Variants in EML1 observed in about 807,000 individuals in gnomAD.
The protein encoded by EML1 is EMAP like 1, also known as echinoderm microtubule-associated protein-like 1.
EML1 carries 27 observed loss-of-function variants against 110.4 expected under a neutral mutation model. The ratio of observed to expected loss-of-function variants is 0.24; its 90% CI spans 0.18 to 0.34. EML1 has a LOEUF of 0.34. EML1 is among the 10% of genes least tolerant of loss of function. The pLI, the probability that EML1 is intolerant of heterozygous loss-of-function variation, is 1.00. For missense variants in EML1, 741 were observed against 1,030.9 expected (o/e 0.72, Z 3.85); for synonymous variants, 344 against 385.8 (o/e 0.89, Z 1.27).
At chr14:99,880,540 T>C (rs1253953946) in intron 4 of EML1, among the ~76,000 whole-genome samples, 1 of 152,116 alleles carries the variant, frequency 6.6e-6, no homozygotes, top group Non-Finnish European at 1.5e-5. Context: ...GTGGCCCCCA[T>C]GTAATTTCTG....
intron 3 of EML1, among the ~76,000 whole-genome samples, chr14:99,872,679 A>G (rs1423094628): frequency 6.6e-6 from 1 of 152,226 alleles, no homozygotes; most frequent in Non-Finnish European, 1.5e-5. Context: ...AGTAGCATCT[A>G]ATTGCTACTC....
At chr14:99,852,386 G>T (rs1193097461) in intron 2 of EML1, among the ~76,000 whole-genome samples, 1 of 152,144 alleles carries the variant, frequency 6.6e-6, no homozygotes, top group Non-Finnish European at 1.5e-5. Context: ...AGGCTGAGGC[G>T]GTCAGATCAC....
intron 8 of EML1, among the ~76,000 whole-genome samples, chr14:99,898,779 T>G (rs762967542): frequency 5.9e-5 from 9 of 151,548 alleles, no homozygotes; most frequent in Non-Finnish European, 1.0e-4. Context: ...ATACTGACTG[T>G]GACCTTAAAA....
chr14:99,914,309 G>C lies in EML1; in HGVS notation c.1620+5G>C, dbSNP rs773928000. On this transcript the variant is annotated splice_donor_5th_base_variant and intron_variant, in intron 14 of 21. Coordinates refer to ENST00000262233, the MANE Select transcript of EML1 (RefSeq NM_004434.3). ...GACTTCACACCCATTACTCAGGTACGATCCCACTCAGCAGGCCCGGCAAAC... is the reference window on the plus strand; with the variant it reads ...GACTTCACACCCATTACTCAGGTACCATCCCACTCAGCAGGCCCGGCAAAC... 1 of 1,604,440 alleles carries C rather than the reference G, an allele frequency of 6.2e-7. No individual in the cohort carries two copies. Among genetic ancestry groups the C allele is most frequent in the Admixed American group, 1.7e-5 (1 of 59,558 alleles).
rs547103774 is a variant in EML1 at position 99,937,622 on chromosome 14, G to A, written c.2096-195G>A. On this transcript the variant is annotated intron_variant, in intron 19 of 21. Coordinates refer to ENST00000262233, the MANE Select transcript of EML1 (RefSeq NM_004434.3). ...CAAAGAAGAGGGCACCTCCACCCAGGCCCATGGGCTCGGGCTCAGTTCCAG... is the reference window on the plus strand; with the variant it reads ...CAAAGAAGAGGGCACCTCCACCCAGACCCATGGGCTCGGGCTCAGTTCCAG... Among the ~76,000 whole-genome samples, 13 of 152,240 alleles carry A rather than the reference G, an allele frequency of 8.5e-5. 1 individual carries two copies. In the Middle Eastern group the frequency reaches 0.01, roughly 119 times the overall value.
At chr14:99,785,716 C>T (rs2057591339) in intron 1 of EML1, among the ~76,000 whole-genome samples, 2 of 152,202 alleles carry the variant, frequency 1.3e-5, no homozygotes, top group Non-Finnish European at 2.9e-5. Context: ...AAACCAACCT[C>T]GTTCCCTGTT....
chr14:99,808,994 G>A (rs1039507952), intron 1 of EML1, among the ~76,000 whole-genome samples: 2 of 152,122 alleles, frequency 1.3e-5, no homozygotes, highest in African/African-American at 2.4e-5. Context: ...AGTTCAGTGA[G>A]GACCACATCT....
intron 1 of EML1, among the ~76,000 whole-genome samples, chr14:99,797,485 A>G (rs1368357271): frequency 6.6e-6 from 1 of 152,222 alleles, no homozygotes; most frequent in Non-Finnish European, 1.5e-5. Flanking sequence ...TTGCTAGGTC[A>G]TATGGTAACT....
At chr14:99,926,387 C>A (rs749894498) in intron 17 of EML1, among the ~76,000 whole-genome samples, 42 of 151,190 alleles carry the variant, frequency 2.8e-4, no homozygotes, top group Admixed American at 2.8e-3. Flanking sequence ...CAGATTCAAG[C>A]AATTCTCCTG....
intron 1 of EML1, among the ~76,000 whole-genome samples, chr14:99,821,191 TTTG>T (rs2058256297): frequency 6.6e-6 from 1 of 151,984 alleles, no homozygotes; most frequent in Non-Finnish European, 1.5e-5. Flanking sequence ...CCTGGCTAAT[TTTG>T]TTGTTGTTGA....
chr14:99,918,013 C>T (rs2060063733), intron 16 of EML1, among the ~76,000 whole-genome samples, 164 bp downstream of exon 16: 1 of 152,168 alleles, frequency 6.6e-6, no homozygotes, highest in East Asian at 1.9e-4. Flanking sequence ...AAACAGTGGC[C>T]CATTACATTT....
intron 17 of EML1, among the ~76,000 whole-genome samples, chr14:99,924,507 A>G (rs2140095967): frequency 6.6e-6 from 1 of 152,368 alleles, no homozygotes; most frequent in South Asian, 2.1e-4. Flanking sequence ...AAGTAGAACA[A>G]TATAACAATA....
At chr14:99,813,848 A>C (rs1047858136) in intron 1 of EML1, among the ~76,000 whole-genome samples, 1 of 152,116 alleles carries the variant, frequency 6.6e-6, no homozygotes, top group African/African-American at 2.4e-5. Context: ...AGACAAGCTG[A>C]ATATTTATTT....
chr14:99,839,974 A>G (rs907314414), intron 1 of EML1, among the ~76,000 whole-genome samples: 4 of 152,208 alleles, frequency 2.6e-5, no homozygotes, highest in Non-Finnish European at 4.4e-5. Context: ...GCAAGGCCGA[A>G]ATCCAGGCCC....
At chr14:99,753,482 G>A (rs2057206782) in intron 1 of EML1, among the ~76,000 whole-genome samples, 1 of 151,822 alleles carries the variant, frequency 6.6e-6, no homozygotes, top group Admixed American at 6.6e-5. Flanking sequence ...CTCACCTGGT[G>A]CCTGTCAGCA....
intron 1 of EML1, among the ~76,000 whole-genome samples, chr14:99,843,201 T>C (rs556362154): frequency 5.8e-4 from 88 of 152,272 alleles, no homozygotes; most frequent in Non-Finnish European, 1.1e-3. Flanking sequence ...CAGTGAGCTG[T>C]AATCGCACCA....
intron 4 of EML1, among the ~76,000 whole-genome samples, chr14:99,890,083 A>G (rs1415459851): frequency 6.6e-6 from 1 of 152,188 alleles, no homozygotes; most frequent in Non-Finnish European, 1.5e-5. Flanking sequence ...TTTCAAGTCA[A>G]AAATTGAGGA....
At chr14:99,903,558 A>G (rs1051683771) in intron 9 of EML1, among the ~76,000 whole-genome samples, 1 of 152,138 alleles carries the variant, frequency 6.6e-6, no homozygotes, top group Non-Finnish European at 1.5e-5. Context: ...AACAAGTACA[A>G]CTATTAATAA....
chr14:99,830,167 T>C (rs2058425094), intron 1 of EML1, among the ~76,000 whole-genome samples: 1 of 152,206 alleles, frequency 6.6e-6, no homozygotes. Flanking sequence ...TTATTTTCAT[T>C]TTTTTTATGA....
Sources: gnomAD v4.1 joint callset for allele counts (sites outside exome capture counted in the v4.1 genomes callset) on GRCh38, gnomAD v4.1.1 for gene constraint, MANE v1.5 for transcripts, NCBI Gene and HGNC (gene_info 2026-07-23, HGNC 2026-07-21) for gene names.